ASPH: variants seen among roughly 807,000 people sequenced by gnomAD.
The protein encoded by ASPH is aspartyl/asparaginyl beta-hydroxylase.
ASPH carries 100 observed loss-of-function variants against 118.4 expected under a neutral mutation model. That is an observed-to-expected ratio of 0.84 (90% CI 0.72 to 1.00). The LOEUF (loss-of-function observed/expected upper bound fraction) is 1.00. ASPH is among the 50% of genes least tolerant of loss of function. The pLI is 0.00. For synonymous variants in ASPH, 315 were observed against 325.6 expected, an observed-to-expected ratio of 0.97 and a Z score of 0.35; for missense variants, 920 against 919.5, an observed-to-expected ratio of 1.00 and a Z score of -0.01.
intron 3 of ASPH, among the ~76,000 whole-genome samples, chr8:61,671,723 C>T (rs909603166): frequency 3.3e-5 from 5 of 152,206 alleles, no homozygotes; most frequent in African/African-American, 9.6e-5. Flanking sequence ...TCCCTTAGAA[C>T]GTAAGAGAGT....
chr8:61,701,445 C>A (rs921964003), intron 1 of ASPH, among the ~76,000 whole-genome samples: 2 of 152,202 alleles, frequency 1.3e-5, no homozygotes, highest in African/African-American at 4.8e-5. Flanking sequence ...CTTATTAACA[C>A]AAATAGTGTA....
chr8:61,524,059 C>T (rs999137399), intron 22 of ASPH, among the ~76,000 whole-genome samples: 1 of 152,102 alleles, frequency 6.6e-6, no homozygotes, highest in Admixed American at 6.5e-5. Flanking sequence ...CCAACCTGGG[C>T]AAGAGAGCAA....
intron 18 of ASPH, among the ~76,000 whole-genome samples, chr8:61,560,934 G>C (rs112806992): frequency 0.011 from 1,605 of 151,528 alleles, 22 homozygotes; most frequent in African/African-American, 0.037. Context: ...GAAAGAAGGA[G>C]GAAAGGGTGC....
intron 18 of ASPH, among the ~76,000 whole-genome samples, chr8:61,560,753 T>C (rs1024665605): frequency 6.6e-6 from 1 of 152,144 alleles, no homozygotes; most frequent in African/African-American, 2.4e-5. Context: ...GTTTCACATA[T>C]CTGAGATTTA....
At chr8:61,699,422 G>A (rs1274191990) in intron 1 of ASPH, among the ~76,000 whole-genome samples, 2 of 152,208 alleles carry the variant, frequency 1.3e-5, no homozygotes, top group Non-Finnish European at 1.5e-5. Context: ...AAATGAGAGA[G>A]GGGTACTGCA....
intron 13 of ASPH, chr8:61,625,729 T>C: frequency 1.0e-6 from 1 of 985,434 alleles, no homozygotes; most frequent in Non-Finnish European, 1.2e-6. Flanking sequence ...AAATTTTTGA[T>C]AAGAATATCA....
intron 14 of ASPH, among the ~76,000 whole-genome samples, chr8:61,587,722 T>C (rs1399231345): frequency 6.6e-6 from 1 of 152,236 alleles, no homozygotes; most frequent in Admixed American, 6.5e-5. Context: ...TATATCTTCA[T>C]ATTTGATAGC....
intron 22 of ASPH, among the ~76,000 whole-genome samples, chr8:61,522,164 ATTAT>A (rs1813328445): frequency 6.6e-6 from 1 of 152,218 alleles, no homozygotes; most frequent in African/African-American, 2.4e-5. Context: ...GAACAAAATC[ATTAT>A]TTATATTTGC....
At chr8:61,634,887 A>C (rs1044475153) in intron 12 of ASPH, among the ~76,000 whole-genome samples, 9 of 152,202 alleles carry the variant, frequency 5.9e-5, no homozygotes, top group African/African-American at 2.2e-4. Flanking sequence ...TTGCAAGTTA[A>C]ATTTTCATCT....
intron 14 of ASPH, among the ~76,000 whole-genome samples, chr8:61,587,054 C>A (rs752882945): frequency 6.6e-6 from 1 of 152,194 alleles, no homozygotes; most frequent in Non-Finnish European, 1.5e-5. Context: ...CAAACCCCCT[C>A]TTTTAATTCA....
chr8:61,714,551 C>T lies in ASPH; in HGVS notation c.-180G>A. On this transcript the variant is annotated 5_prime_UTR_variant, in exon 1 of 25. Transcript: ENST00000379454. ...CACCTGGGAAGACTTCACCCGCCTG[C>T]CGGCTGCGCGCGCCCGGCCTCGCGT... 2 of 970,198 alleles carry T rather than the reference C, an allele frequency of 2.1e-6. No homozygotes were observed. Among genetic ancestry groups the T allele is most frequent in the Non-Finnish European group, 2.7e-6 (2 of 739,630 alleles). 60.1% of individuals were successfully genotyped at this position (970,198 alleles called of 1,614,324 possible). A position where few individuals can be genotyped will look rare whatever the true frequency, so the allele number is the denominator to read the frequency against.
At chr8:61,604,028 G>A (rs1844872786) in intron 14 of ASPH, among the ~76,000 whole-genome samples, 1 of 152,218 alleles carries the variant, frequency 6.6e-6, no homozygotes, top group Non-Finnish European at 1.5e-5. Context: ...ATTCTATAAA[G>A]TACAGGGACA....
chr8:61,655,548 C>G lies in ASPH; in HGVS notation c.323-1888G>C, dbSNP rs1376988192. On this transcript the variant is annotated intron_variant, in intron 3 of 24. Coordinates refer to ENST00000379454, the MANE Select transcript of ASPH (RefSeq NM_004318.4). ...TGTTTTCTCACCAAACGATAAAGAT[C>G]TAAACTGCCTGAAAACCCCATTCTT... is the stretch of plus-strand genomic sequence containing the variant. Among the ~76,000 whole-genome samples the G allele has an allele frequency of 5.9e-5, 9 of 152,172 alleles. No individual in the cohort carries two copies. In the South Asian group the frequency reaches 1.7e-3, roughly 28 times the overall value.
At chr8:61,620,980 C>T (rs959908217) in intron 13 of ASPH, among the ~76,000 whole-genome samples, 2 of 152,152 alleles carry the variant, frequency 1.3e-5, no homozygotes, top group Admixed American at 1.3e-4. Context: ...GTGGGAGGGC[C>T]CTGGCCGGGT....
At chr8:61,691,490 G>C (rs576904553) in intron 1 of ASPH, among the ~76,000 whole-genome samples, 2 of 152,312 alleles carry the variant, frequency 1.3e-5, no homozygotes, top group African/African-American at 4.8e-5. Flanking sequence ...GGGTTAAGGT[G>C]ACCCACCATT....
intron 14 of ASPH, among the ~76,000 whole-genome samples, chr8:61,587,879 G>A (rs1362898109): frequency 6.6e-6 from 1 of 152,110 alleles, no homozygotes; most frequent in South Asian, 2.1e-4. Context: ...TGTTCTACCT[G>A]TAGAAAAAAT....
At chr8:61,562,652 T>C in intron 18 of ASPH, 92 bp downstream of exon 18, 3 of 1,265,966 alleles carry the variant, frequency 2.4e-6, no homozygotes, top group Non-Finnish European at 2.1e-6. Context: ...TTTAACTTAA[T>C]TTAAAATAAA....
At chr8:61,563,142 A>G (rs1457269050) in intron 17 of ASPH, among the ~76,000 whole-genome samples, 2 of 151,898 alleles carry the variant, frequency 1.3e-5, no homozygotes, top group Non-Finnish European at 2.9e-5. Context: ...AGCAATGTTT[A>G]CCATTTTATG....
rs561313367 is a variant in ASPH, at chr8:61,711,456, C to A, written c.103+2813G>T. 7.1e-4 allele frequency among the ~76,000 whole-genome samples: 108 copies of A among 152,120 alleles called. 1 individual carries two copies. The highest frequency in any genetic ancestry group is 1.3e-3 in the Non-Finnish European group (91 of 67,974). On this transcript the variant is annotated intron_variant, in intron 1 of 24. Coordinates refer to ENST00000379454, the MANE Select transcript of ASPH (RefSeq NM_004318.4). Reference sequence around the variant, plus strand: ...TAGGAAGTCTAATTTATTCATGTTTCTTTTATATTATAAAGAGTAAAACTG... The same window carrying A: ...TAGGAAGTCTAATTTATTCATGTTTATTTTATATTATAAAGAGTAAAACTG...
Sources: gnomAD v4.1 joint callset for allele counts (sites outside exome capture counted in the v4.1 genomes callset) on GRCh38, gnomAD v4.1.1 for gene constraint, MANE v1.5 for transcripts, NCBI Gene and HGNC (gene_info 2026-07-23, HGNC 2026-07-21) for gene names.